Variants in DCDC2 observed in about 807,000 individuals in gnomAD.
DCDC2 encodes the protein doublecortin domain containing 2.
In DCDC2, 40 loss-of-function variants were observed where a neutral mutation model predicts 50.2. The observed-to-expected ratio is 0.80, with a 90% confidence interval of 0.62 to 1.04. The LOEUF is 1.04. Among genes scored for constraint, DCDC2 ranks in the 50% least tolerant of loss-of-function variants. DCDC2 has a pLI of 0.00. For missense variants in DCDC2, 570 were observed against 581.9 expected, an observed-to-expected ratio of 0.98 and a Z score of 0.21; for synonymous variants, 234 against 210.6, an observed-to-expected ratio of 1.11 and a Z score of -0.96.
chr6:24,278,695 C>T (rs1002879824), intron 6 of DCDC2, among the ~76,000 whole-genome samples: 22 of 152,206 alleles, frequency 1.4e-4, no homozygotes, highest in African/African-American at 5.1e-4. Flanking sequence ...TTCTGCAGAA[C>T]CAGCCAGTGT....
intron 2 of DCDC2, among the ~76,000 whole-genome samples, chr6:24,311,956 A>T (rs707869): frequency 0.77 from 117,063 of 152,160 alleles, 47,667 homozygotes; most frequent in East Asian, 0.99. Context: ...GATGGCCTGA[A>T]GCAACTGAAG....
Position 24,246,682 on chromosome 6 carries a change from T to C in DCDC2, c.922+31367A>G, listed in dbSNP as rs1461103814. ...TTGTATTTTTAGTAGAGACAGGGTT[T>C]CACCATGTTGGCCAGGTTGGTCTTG... On this transcript the variant is annotated intron_variant, in intron 7 of 9. Coordinates refer to ENST00000378454, the MANE Select transcript of DCDC2 (RefSeq NM_016356.5). Among the ~76,000 whole-genome samples, 3 of 151,946 alleles carry C rather than the reference T, an allele frequency of 2.0e-5. 1 individual carries two copies. In the South Asian group the frequency reaches 6.2e-4, roughly 32 times the overall value.
At chr6:24,232,846 T>A (rs77607667) in intron 7 of DCDC2, among the ~76,000 whole-genome samples, 6 of 151,226 alleles carry the variant, frequency 4.0e-5, no homozygotes, top group African/African-American at 1.5e-4. Flanking sequence ...AAAAAAAAAA[T>A]ACTTGTTTCA....
chr6:24,327,666 G>A (rs1561776438), intron 2 of DCDC2, among the ~76,000 whole-genome samples: 1 of 151,882 alleles, frequency 6.6e-6, no homozygotes, highest in Non-Finnish European at 1.5e-5. Flanking sequence ...TAGAGACGGG[G>A]TTTCACCATG....
the DCDC2 span, among the ~76,000 whole-genome samples, chr6:24,363,477 G>A: frequency 2.0e-5 from 3 of 151,950 alleles, no homozygotes; most frequent in Non-Finnish European, 2.9e-5. Flanking sequence ...CTGCAGCCTG[G>A]GTAACAGAAT....
intron 4 of DCDC2, among the ~76,000 whole-genome samples, chr6:24,291,583 T>G (rs1220182339): frequency 6.8e-6 from 1 of 146,162 alleles, no homozygotes; most frequent in Admixed American, 7.1e-5. Context: ...CCTCCCGGGT[T>G]CATGCCATTC....
At chr6:24,221,824 G>A (rs1205483826) in intron 7 of DCDC2, among the ~76,000 whole-genome samples, 1 of 152,192 alleles carries the variant, frequency 6.6e-6, no homozygotes, top group East Asian at 1.9e-4. Flanking sequence ...CTCCCTCCAT[G>A]ATGCCTTTTA....
At chr6:24,311,061 C>T (rs1286602318) in intron 2 of DCDC2, among the ~76,000 whole-genome samples, 1 of 152,182 alleles carries the variant, frequency 6.6e-6, no homozygotes. Context: ...GAAGCACAGA[C>T]CCAAACATGT....
chr6:24,314,963 T>G (rs1010164375), intron 2 of DCDC2, among the ~76,000 whole-genome samples: 1 of 152,132 alleles, frequency 6.6e-6, no homozygotes, highest in Non-Finnish European at 1.5e-5. Flanking sequence ...AGAAATATAT[T>G]TTTCTTGTAA....
At chr6:24,343,092 G>A (rs551463578) in intron 2 of DCDC2, among the ~76,000 whole-genome samples, 6 of 138,342 alleles carry the variant, frequency 4.3e-5, no homozygotes, top group African/African-American at 1.1e-4. Context: ...TCTTTCTGTC[G>A]CCCATACTGC....
the DCDC2 span, among the ~76,000 whole-genome samples, chr6:24,369,302 T>C: frequency 6.6e-6 from 1 of 151,994 alleles, no homozygotes; most frequent in African/African-American, 2.4e-5. Context: ...AGGGTAACCA[T>C]TGTTTTAAAA....
chr6:24,358,899 A>AATATATTATATATT (rs1554121667), upstream of DCDC2, among the ~76,000 whole-genome samples: 77 of 21,484 alleles, frequency 3.6e-3, 7 homozygotes, highest in African/African-American at 0.016. Context: ...TTATATATAT[A>AATATATTATATATT]ATATATTATA....
chr6:24,261,425 T>A (rs1763006938), intron 7 of DCDC2, among the ~76,000 whole-genome samples: 1 of 152,036 alleles, frequency 6.6e-6, no homozygotes, highest in Non-Finnish European at 1.5e-5. Flanking sequence ...CTGAATCTCT[T>A]CTCTGGCCAG....
the DCDC2 span, among the ~76,000 whole-genome samples, chr6:24,377,063 T>C: frequency 6.6e-6 from 1 of 152,154 alleles, no homozygotes; most frequent in East Asian, 1.9e-4. Context: ...GATTCTCCTG[T>C]CTCTAGACAA....
At chr6:24,368,687 G>GA in the DCDC2 span, among the ~76,000 whole-genome samples, 144,710 of 148,692 alleles carry the variant, frequency 0.97, 70,460 homozygotes, top group South Asian at 1. Context: ...GGCTCAGACA[G>GA]AAAAAAAAAA....
intron 7 of DCDC2, among the ~76,000 whole-genome samples, chr6:24,247,289 G>A (rs1165058455): frequency 2.6e-5 from 4 of 151,922 alleles, no homozygotes; most frequent in Non-Finnish European, 5.9e-5. Context: ...CAGTGATAGA[G>A]CAAGACCTTG....
At chr6:24,353,346 CT>C (rs1364737753) in intron 2 of DCDC2, 3 of 615,620 alleles carry the variant, frequency 4.9e-6, no homozygotes, top group Non-Finnish European at 6.2e-6. Context: ...TATGTTTTGT[CT>C]AATCTTGACA....
chr6:24,269,121 T>A (rs1763185660), intron 7 of DCDC2, among the ~76,000 whole-genome samples: 1 of 152,188 alleles, frequency 6.6e-6, no homozygotes, highest in African/African-American at 2.4e-5. Flanking sequence ...AGAGTTCATA[T>A]ACAAAATAGG....
At position 24,173,017 on chromosome 6, in the gene DCDC2, A is replaced by T. The variant is rs1162013188; in HGVS notation, c.*1713T>A. The stretch of plus-strand genomic sequence containing the variant: ...TAATAATAATAATAATAATAATAAT[A>T]ATAAAGATCAATTGGTCTATTTGCC... On this transcript the variant is annotated 3_prime_UTR_variant, in exon 10 of 10. Transcript: ENST00000378454. 6.9e-6 allele frequency: 1 copy of T among 144,758 alleles called. No individual in the cohort carries two copies. Among genetic ancestry groups the T allele is most frequent in the Non-Finnish European group, 1.5e-5 (1 of 67,336 alleles). The allele number at this position is 144,758 out of a possible 1,614,324, so 9.0% of individuals were successfully genotyped here. A position where few individuals can be genotyped will look rare whatever the true frequency, so the allele number is the denominator to read the frequency against.
Sources: allele counts gnomAD v4.1 joint callset (sites outside exome capture counted in the v4.1 genomes callset), GRCh38; gene constraint gnomAD v4.1.1; transcripts MANE v1.5; gene names NCBI Gene and HGNC (gene_info 2026-07-23, HGNC 2026-07-21).